Variants in XG observed in about 807,000 individuals in gnomAD.
XG encodes the protein glycoprotein Xg.
A neutral mutation model predicts 25.7 loss-of-function variants in XG; 24 were observed. The observed-to-expected ratio is 0.93, with a 90% CI of 0.68 to 1.31. The LOEUF is 1.31. XG is among the 40% of genes most tolerant of loss of function. The pLI is 0.00. For synonymous variants in XG, 77 were observed against 69.2 expected, an observed-to-expected ratio of 1.11 and a Z score of -0.56; for missense variants, 181 against 187.6, an observed-to-expected ratio of 0.96 and a Z score of 0.21.
intron 2 of XG, 91 bp downstream of exon 2, chrX:2,770,682 A>G (rs1165557871): frequency 1.2e-5 from 18 of 1,515,326 alleles, no homozygotes; most frequent in Non-Finnish European, 1.6e-5. Context: ...GGATTGGGCC[A>G]GTGTTGGGAA....
chrX:2,814,355 T>C lies in XG; in HGVS notation c.572-9T>C. 1 of 1,204,547 alleles carries C rather than the reference T, an allele frequency of 8.3e-7. No individual in the cohort carries two copies. Among genetic ancestry groups the C allele is most frequent in the Non-Finnish European group, 1.1e-6 (1 of 893,269 alleles). On this transcript the variant is annotated splice_polypyrimidine_tract_variant and intron_variant, in intron 10 of 10. Coordinates refer to ENST00000644266, the MANE Select transcript of XG (RefSeq NM_001141919.2). Reference sequence around the variant, plus strand: ...CCACAATGACATTTGTTTCTAATCTTCCTTTCAGAACCAGAAAATGTCTGA... The same window carrying C: ...CCACAATGACATTTGTTTCTAATCTCCCTTTCAGAACCAGAAAATGTCTGA...
intron 1 of XG, among the ~76,000 whole-genome samples, chrX:2,758,047 G>C (rs2050476022): frequency 6.7e-6 from 1 of 150,004 alleles, no homozygotes; most frequent in Non-Finnish European, 1.5e-5. Context: ...TACCACGCCA[G>C]CGTACAGAAC....
At chrX:2,769,354 C>G (rs1305837345) in intron 1 of XG, among the ~76,000 whole-genome samples, 6 of 152,214 alleles carry the variant, frequency 3.9e-5, no homozygotes, top group African/African-American at 1.4e-4. Context: ...GATTGTCCCC[C>G]CTGGACAATT....
At chrX:2,791,538 C>G (rs1298767907) in intron 5 of XG, among the ~76,000 whole-genome samples, 1 of 105,242 alleles carries the variant, frequency 9.5e-6, no homozygotes, top group Non-Finnish European at 2.0e-5. Flanking sequence ...AAAACCACAG[C>G]GTTGTATCCT....
At chrX:2,758,175 AG>A (rs1040701724) in intron 1 of XG, among the ~76,000 whole-genome samples, 35 of 151,820 alleles carry the variant, frequency 2.3e-4, no homozygotes, top group South Asian at 1.9e-3. Context: ...GCAAATTTGT[AG>A]GTGTGGAAAG....
At chrX:2,811,475 T>G (rs1387423530) in intron 10 of XG, 23 bp downstream of exon 10, 1 of 1,110,197 alleles carries the variant, frequency 9.0e-7, no homozygotes, top group Admixed American at 2.6e-5. Flanking sequence ...CTAAACATTG[T>G]TTTGCTTGTT....
Position 2,814,398 on chromosome X carries a change from G to T in XG, c.*18G>T. On this transcript the variant is annotated 3_prime_UTR_variant, in exon 11 of 11. Coordinates refer to ENST00000644266, the MANE Select transcript of XG (RefSeq NM_001141919.2). ...ATGTCTGAAGATGTTAAGATCCCCT[G>T]ATTACTTTGAGAAAAACAACTAAAA... 8.3e-7 allele frequency: 1 copy of T among 1,201,426 alleles called. No homozygotes were observed. Among genetic ancestry groups the T allele is most frequent in the East Asian group, 3.0e-5 (1 of 33,653 alleles).
chrX:2,754,547 A>G (rs1271959859), intron 1 of XG, among the ~76,000 whole-genome samples: 6 of 152,342 alleles, frequency 3.9e-5, no homozygotes, highest in African/African-American at 1.4e-4. Flanking sequence ...CTAGAGGGAC[A>G]GAACTAATGC....
At position 2,814,499 on chromosome X, in the gene XG, C is replaced by T; in HGVS notation, c.*119C>T. On this transcript the variant is annotated 3_prime_UTR_variant, in exon 11 of 11. Transcript: ENST00000644266. ...AATTTGATGACCTAAAGTGTGTTTT[C>T]TTCTGTGTAAAGTACATGAGCTGCC... is the stretch of plus-strand genomic sequence containing the variant. The T allele has an allele frequency of 1.1e-6, 1 of 927,149 alleles. No homozygotes were observed. The highest frequency in any genetic ancestry group is 2.5e-5 in the South Asian group (1 of 39,337). 76.4% of individuals were successfully genotyped at this position (927,149 alleles called of 1,213,427 possible).
At chrX:2,752,974 A>G in intron 1 of XG, 2 of 985,388 alleles carry the variant, frequency 2.0e-6, no homozygotes, top group Non-Finnish European at 2.4e-6. Flanking sequence ...ATGAACTCAT[A>G]AAGTACAGGA....
At chrX:2,811,721 G>A (rs1208751077) in intron 10 of XG, among the ~76,000 whole-genome samples, 5 of 111,206 alleles carry the variant, frequency 4.5e-5, no homozygotes, top group East Asian at 2.8e-4. Flanking sequence ...TCAGCCTCCC[G>A]AACAGCTGGG....
At chrX:2,807,415 C>T (rs187716959) in intron 8 of XG, among the ~76,000 whole-genome samples, 17 of 111,552 alleles carry the variant, frequency 1.5e-4, no homozygotes, top group African/African-American at 3.6e-4. Context: ...TGTATACATG[C>T]GTGTGTACAG....
At chrX:2,774,894 T>C (rs2050941670) in intron 3 of XG, 155 bp downstream of exon 3, 2 of 972,438 alleles carry the variant, frequency 2.1e-6, no homozygotes, top group Non-Finnish European at 3.2e-6. Context: ...AATGTGGTGA[T>C]TAGGGAAATG....
chrX:2,785,385 G>C (rs1252433302), intron 4 of XG, among the ~76,000 whole-genome samples: 1 of 111,784 alleles, frequency 8.9e-6, no homozygotes, highest in African/African-American at 3.3e-5. Flanking sequence ...CCACAGAACT[G>C]TTTTAGGGTA....
rs745693483 is a variant in XG, at chrX:2,772,941, C to T, written c.104-1775C>T. Among the ~76,000 whole-genome samples the T allele has an allele frequency of 1.1e-4, 16 of 152,198 alleles. No individual in the cohort carries two copies. The East Asian group carries it at 1.9e-3, about 18-fold the overall frequency. ...AGAGGAACCACAGTCACCTGCATGG[C>T]GACTGTGGGGAATTCACTTTTCACT... is the stretch of plus-strand genomic sequence containing the variant. On this transcript the variant is annotated intron_variant, in intron 2 of 10. Coordinates refer to ENST00000644266, the MANE Select transcript of XG (RefSeq NM_001141919.2).
chrX:2,753,975 T>C (rs1343885108), intron 1 of XG, among the ~76,000 whole-genome samples: 2 of 152,344 alleles, frequency 1.3e-5, no homozygotes, highest in South Asian at 4.1e-4. Context: ...CTAGATGATT[T>C]GTCCATCCGT....
chrX:2,773,588 A>G (rs1302738148), intron 2 of XG, among the ~76,000 whole-genome samples: 1 of 68,952 alleles, frequency 1.5e-5, no homozygotes, highest in African/African-American at 5.7e-5. Flanking sequence ...GGAGAGAAGG[A>G]AGGAAGGAGA....
chrX:2,754,680 A>G (rs1412474551), intron 1 of XG, among the ~76,000 whole-genome samples: 1 of 152,154 alleles, frequency 6.6e-6, no homozygotes, highest in Non-Finnish European at 1.5e-5. Flanking sequence ...AAAACTGAAG[A>G]ACTTGGAGTC....
chrX:2,782,509 A>G (rs1055444193), intron 4 of XG, among the ~76,000 whole-genome samples: 2 of 111,319 alleles, frequency 1.8e-5, no homozygotes, highest in Non-Finnish European at 1.9e-5. Context: ...ACATCTGGGG[A>G]TCAGGGTTGT....
Sources: allele counts gnomAD v4.1 joint callset (sites outside exome capture counted in the v4.1 genomes callset), GRCh38; gene constraint gnomAD v4.1.1; transcripts MANE v1.5; gene names NCBI Gene and HGNC (gene_info 2026-07-23, HGNC 2026-07-21).